TAFA1: variants seen among roughly 807,000 people sequenced by gnomAD.
TAFA1 encodes the protein TAFA chemokine like family member 1, also known as chemokine-like protein TAFA-1.
A neutral mutation model predicts 18.5 loss-of-function variants in TAFA1; 4 were observed. The observed-to-expected ratio is 0.22, with a 90% CI of 0.11 to 0.49. TAFA1 has a LOEUF of 0.49. Among genes scored for constraint, TAFA1 ranks in the 20% least tolerant of loss-of-function variants. The pLI, the probability that TAFA1 is intolerant of heterozygous loss-of-function variation, is 0.98. For missense variants in TAFA1, 147 were observed against 169.0 expected (o/e 0.87, Z 0.72); for synonymous variants, 56 against 55.2 (o/e 1.01, Z -0.06).
intron 2 of TAFA1, among the ~76,000 whole-genome samples, chr3:68,269,104 A>G (rs903979925): frequency 6.6e-6 from 1 of 152,010 alleles, no homozygotes; most frequent in Non-Finnish European, 1.5e-5. Flanking sequence ...GAACTGTTTG[A>G]GGCTAATTCT....
chr3:68,010,562 AG>A (rs1704452047), intron 2 of TAFA1, among the ~76,000 whole-genome samples: 1 of 152,212 alleles, frequency 6.6e-6, no homozygotes, highest in Non-Finnish European at 1.5e-5. Flanking sequence ...TATGTTAACT[AG>A]AAAACTGACT....
intron 2 of TAFA1, among the ~76,000 whole-genome samples, chr3:68,371,646 T>A (rs1312163426): frequency 6.6e-6 from 1 of 152,228 alleles, no homozygotes; most frequent in Non-Finnish European, 1.5e-5. Context: ...TTTGGGTTGG[T>A]TCCAAGACTT....
At chr3:68,136,537 G>T (rs967787937) in intron 2 of TAFA1, among the ~76,000 whole-genome samples, 1 of 152,126 alleles carries the variant, frequency 6.6e-6, no homozygotes, top group Non-Finnish European at 1.5e-5. Context: ...GTTCCGTAGT[G>T]ACTGTTCTTT....
intron 2 of TAFA1, among the ~76,000 whole-genome samples, chr3:68,221,465 G>T (rs924900641): frequency 3.9e-5 from 6 of 151,922 alleles, no homozygotes; most frequent in African/African-American, 1.4e-4. Flanking sequence ...TAAGCAAATA[G>T]GGTGGCTTGT....
intron 2 of TAFA1, among the ~76,000 whole-genome samples, chr3:68,138,099 C>CA (rs1385584233): frequency 6.6e-6 from 1 of 152,036 alleles, no homozygotes; most frequent in African/African-American, 2.4e-5. Context: ...GAAAGCAGCC[C>CA]ATTAGGTCTC....
chr3:68,404,389 A>G (rs2070555458), intron 2 of TAFA1, among the ~76,000 whole-genome samples: 1 of 152,236 alleles, frequency 6.6e-6, no homozygotes, highest in Admixed American at 6.5e-5. Context: ...TAGTGTCTGT[A>G]TAACAGATTT....
At chr3:68,324,236 TGCCTTGTTGATAAATATA>T (rs11274211) in intron 2 of TAFA1, among the ~76,000 whole-genome samples, 88,441 of 151,044 alleles carry the variant, frequency 0.59, 26,343 homozygotes, top group Non-Finnish European at 0.62. Context: ...TATTTTTCTA[TGCCTTGTTGATAAATATA>T]GCCTTGTTGA....
intron 3 of TAFA1, among the ~76,000 whole-genome samples, chr3:68,444,771 A>AATAT (rs55684696): frequency 0.015 from 1,906 of 126,844 alleles, 11 homozygotes; most frequent in Non-Finnish European, 0.021. Flanking sequence ...GTTTCTACAA[A>AATAT]ATATATATAT....
At chr3:68,438,720 A>C (rs967493629) in intron 3 of TAFA1, among the ~76,000 whole-genome samples, 1 of 152,114 alleles carries the variant, frequency 6.6e-6, no homozygotes, top group Non-Finnish European at 1.5e-5. Flanking sequence ...TTTGAAATCT[A>C]GGTGAAGGCT....
chr3:68,080,410 G>A (rs1032506692), intron 2 of TAFA1, among the ~76,000 whole-genome samples: 2 of 152,108 alleles, frequency 1.3e-5, no homozygotes, highest in South Asian at 2.1e-4. Flanking sequence ...TCCTAGTCTC[G>A]ATGGTCTTTA....
At chr3:68,379,830 T>C (rs966543553) in intron 2 of TAFA1, among the ~76,000 whole-genome samples, 1 of 151,878 alleles carries the variant, frequency 6.6e-6, no homozygotes. Flanking sequence ...GTTTGTTACA[T>C]AGGTATACAT....
At chr3:68,033,873 C>T (rs1704989980) in intron 2 of TAFA1, among the ~76,000 whole-genome samples, 1 of 152,118 alleles carries the variant, frequency 6.6e-6, no homozygotes, top group Non-Finnish European at 1.5e-5. Context: ...TTTGATATCC[C>T]ATATCACCTT....
rs576347645 is a variant in TAFA1, at chr3:68,329,495, G to A, written c.119-87785G>A. Among the ~76,000 whole-genome samples, 391 of 152,208 alleles carry A rather than the reference G, an allele frequency of 2.6e-3. 5 individuals are homozygous for A. The highest frequency in any genetic ancestry group is 3.4e-3 in the Middle Eastern group (1 of 294). Reference sequence around the variant, plus strand: ...CTGTCATGGGATAAGTCTTTACTCAGTGTGGTGATGGTTAATGACATGTTA... The same window carrying A: ...CTGTCATGGGATAAGTCTTTACTCAATGTGGTGATGGTTAATGACATGTTA... On this transcript the variant is annotated intron_variant, in intron 2 of 4. Transcript: ENST00000478136.
chr3:68,052,574 G>A (rs2064484217), intron 2 of TAFA1, among the ~76,000 whole-genome samples: 1 of 152,180 alleles, frequency 6.6e-6, no homozygotes, highest in Admixed American at 6.6e-5. Context: ...TGGCATTTCT[G>A]AAAGTTTTAT....
chr3:68,370,689 T>C (rs2069687940), intron 2 of TAFA1, among the ~76,000 whole-genome samples: 1 of 149,246 alleles, frequency 6.7e-6, no homozygotes, highest in African/African-American at 2.5e-5. Flanking sequence ...GAAGTTATCT[T>C]CATGAAACTA....
In TAFA1 at chr3:68,045,191, C is replaced by T. The variant is rs570580202; in HGVS notation, c.118+38447C>T. Among the ~76,000 whole-genome samples the T allele has an allele frequency of 3.9e-5, 6 of 152,222 alleles. No individual in the cohort carries two copies. In the South Asian group the frequency reaches 1.2e-3, roughly 32 times the overall value. The stretch of plus-strand genomic sequence containing the variant: ...AAGGGCATTAGCTATCCAAATGGAG[C>T]TCTTCTCATGGCAATGGCAGAGGAG... On this transcript the variant is annotated intron_variant, in intron 2 of 4. Coordinates refer to ENST00000478136, the MANE Select transcript of TAFA1 (RefSeq NM_213609.4).
intron 2 of TAFA1, among the ~76,000 whole-genome samples, chr3:68,203,763 A>G (rs1006305272): frequency 6.6e-6 from 1 of 151,706 alleles, no homozygotes; most frequent in Non-Finnish European, 1.5e-5. Context: ...ATAAAACCCC[A>G]TCAAGTTAGG....
chr3:68,250,462 C>G (rs1396624103), intron 2 of TAFA1, among the ~76,000 whole-genome samples: 1 of 152,124 alleles, frequency 6.6e-6, no homozygotes, highest in African/African-American at 2.4e-5. Flanking sequence ...CCTGGCTCAG[C>G]CTGGGCCCTT....
At chr3:68,534,377 T>C (rs951742148) in intron 3 of TAFA1, among the ~76,000 whole-genome samples, 7 of 152,216 alleles carry the variant, frequency 4.6e-5, no homozygotes, top group African/African-American at 1.7e-4. Context: ...ATCGATAATC[T>C]TGGCTTTCTT....
Sources: gnomAD v4.1 joint callset for allele counts (sites outside exome capture counted in the v4.1 genomes callset) on GRCh38, gnomAD v4.1.1 for gene constraint, MANE v1.5 for transcripts, NCBI Gene and HGNC (gene_info 2026-07-23, HGNC 2026-07-21) for gene names.